ZFYVE9: variants seen among roughly 807,000 people sequenced by gnomAD.
ZFYVE9 encodes zinc finger FYVE domain-containing protein 9.
Under a neutral mutation model 126.7 loss-of-function variants are expected in ZFYVE9, and 43 were observed. That is an observed-to-expected ratio of 0.34 (90% CI 0.27 to 0.44). The LOEUF is 0.44. Ranked by LOEUF, ZFYVE9 falls within the 20% of genes least tolerant of loss-of-function variation. The pLI is 1.00. For missense variants in ZFYVE9, 1,476 were observed against 1,697.0 expected (o/e 0.87, Z 2.29); for synonymous variants, 521 against 597.4 (o/e 0.87, Z 1.87).
intron 13 of ZFYVE9, among the ~76,000 whole-genome samples, chr1:52,320,497 C>A (rs113264422): frequency 6.6e-6 from 1 of 152,226 alleles, no homozygotes; most frequent in Non-Finnish European, 1.5e-5. Flanking sequence ...ATAGCTTTTC[C>A]GTAAAGATGC....
At chr1:52,176,461 G>T (rs1644630179) in intron 1 of ZFYVE9, among the ~76,000 whole-genome samples, 1 of 152,150 alleles carries the variant, frequency 6.6e-6, no homozygotes, top group Non-Finnish European at 1.5e-5. Context: ...ACTTGAGGAG[G>T]CAGTCTGCCC....
At chr1:52,148,702 C>T (rs1032052551) in intron 1 of ZFYVE9, among the ~76,000 whole-genome samples, 7 of 149,084 alleles carry the variant, frequency 4.7e-5, no homozygotes, top group African/African-American at 1.5e-4. Flanking sequence ...AGTGCGGTGG[C>T]GCAGTCTTGG....
chr1:52,294,863 A>G (rs1372449036), intron 11 of ZFYVE9, among the ~76,000 whole-genome samples: 2 of 152,236 alleles, frequency 1.3e-5, no homozygotes, highest in East Asian at 3.8e-4. Context: ...GATGAGCCAG[A>G]CTGATTTGCC....
chr1:52,306,900 C>T (rs991106834), intron 13 of ZFYVE9, among the ~76,000 whole-genome samples: 1 of 152,194 alleles, frequency 6.6e-6, no homozygotes. Flanking sequence ...CTTGCTTTCT[C>T]ACACACCCCT....
At chr1:52,300,926 C>CT (rs901032769) in intron 12 of ZFYVE9, among the ~76,000 whole-genome samples, 9 of 150,392 alleles carry the variant, frequency 6.0e-5, no homozygotes, top group African/African-American at 2.2e-4. Context: ...GTGGCACAAT[C>CT]TCGGCTCACT....
chr1:52,226,258 T>A (rs1645169638), intron 2 of ZFYVE9, among the ~76,000 whole-genome samples: 1 of 152,176 alleles, frequency 6.6e-6, no homozygotes, highest in South Asian at 2.1e-4. Flanking sequence ...CCTGCTGGCA[T>A]TCACCCGTGC....
At chr1:52,154,865 T>C (rs1318000749) in intron 1 of ZFYVE9, among the ~76,000 whole-genome samples, 1 of 152,218 alleles carries the variant, frequency 6.6e-6, no homozygotes, top group Non-Finnish European at 1.5e-5. Context: ...TGCATTCACA[T>C]ACTGAGCTGA....
intron 4 of ZFYVE9, among the ~76,000 whole-genome samples, chr1:52,259,977 G>A (rs1292695216): frequency 1.3e-5 from 2 of 152,004 alleles, no homozygotes; most frequent in African/African-American, 4.8e-5. Flanking sequence ...GAACACTTGG[G>A]TTGTTTACAA....
intron 12 of ZFYVE9, among the ~76,000 whole-genome samples, chr1:52,302,055 G>A (rs957357706): frequency 6.6e-6 from 1 of 152,088 alleles, no homozygotes; most frequent in South Asian, 2.1e-4. Flanking sequence ...TTAACATTTT[G>A]TACATGTAGA....
chr1:52,231,206 A>G (rs1193802838), intron 2 of ZFYVE9, among the ~76,000 whole-genome samples: 2 of 152,186 alleles, frequency 1.3e-5, no homozygotes, highest in Non-Finnish European at 2.9e-5. Flanking sequence ...GACAACAAAG[A>G]TAGATATTTA....
At chr1:52,209,463 A>C (rs1230594525) in intron 1 of ZFYVE9, among the ~76,000 whole-genome samples, 1 of 152,070 alleles carries the variant, frequency 6.6e-6, no homozygotes, top group Non-Finnish European at 1.5e-5. Flanking sequence ...TCATCACCCC[A>C]AAAACTCCCT....
intron 4 of ZFYVE9, among the ~76,000 whole-genome samples, chr1:52,251,102 C>T (rs1407060756): frequency 2.6e-5 from 4 of 151,550 alleles, no homozygotes; most frequent in East Asian, 1.9e-4. Context: ...GATGGAGTCT[C>T]GCTCTGTCAC....
chr1:52,278,649 GT>G lies in ZFYVE9; in HGVS notation c.2869+39del, dbSNP rs1557496857. The G allele has an allele frequency of 8.1e-6, 11 of 1,365,804 alleles. No homozygotes were observed. In the South Asian group the frequency reaches 1.6e-4, roughly 20 times the overall value. The allele number at this position is 1,365,804 out of a possible 1,614,324, so 84.6% of individuals were successfully genotyped here. The stretch of plus-strand genomic sequence containing the variant: ...AAATTTTTAAAAATTAAAATCAGAT[GT>G]TTTACTGACTCATAGTACATAAAAC... On this transcript the variant is annotated intron_variant, in intron 9 of 18. Transcript: ENST00000287727.
At chr1:52,290,727 T>C (rs922081161) in intron 10 of ZFYVE9, among the ~76,000 whole-genome samples, 5 of 152,186 alleles carry the variant, frequency 3.3e-5, no homozygotes, top group Non-Finnish European at 5.9e-5. Flanking sequence ...TAAATCTTAC[T>C]CTAAAATCAT....
At chr1:52,272,554 T>C (rs1415885568) in intron 7 of ZFYVE9, among the ~76,000 whole-genome samples, 3 of 152,234 alleles carry the variant, frequency 2.0e-5, no homozygotes, top group South Asian at 2.1e-4. Context: ...AATTTATTTC[T>C]GAGTAGTATT....
intron 13 of ZFYVE9, among the ~76,000 whole-genome samples, chr1:52,327,354 A>C (rs548468704): frequency 6.6e-6 from 1 of 152,112 alleles, no homozygotes; most frequent in Non-Finnish European, 1.5e-5. Flanking sequence ...CTGTAATCCT[A>C]GCACTTTGGG....
At chr1:52,233,392 A>G in intron 3 of ZFYVE9, 116 bp downstream of exon 3, 1 of 540,262 alleles carries the variant, frequency 1.9e-6, no homozygotes, top group Non-Finnish European at 2.9e-6. Context: ...TGATAGTAAT[A>G]TTATTTAATA....
chr1:52,256,640 C>T (rs1013592151), intron 4 of ZFYVE9, among the ~76,000 whole-genome samples: 1 of 150,142 alleles, frequency 6.7e-6, no homozygotes. Flanking sequence ...TTAGAGATCT[C>T]TTTTAACCCT....
intron 1 of ZFYVE9, among the ~76,000 whole-genome samples, chr1:52,207,575 C>T (rs1043511518): frequency 5.3e-5 from 8 of 152,148 alleles, no homozygotes; most frequent in Non-Finnish European, 7.4e-5. Context: ...GAGCTTATTT[C>T]ATTTCTTTTT....
Sources: allele counts gnomAD v4.1 joint callset (sites outside exome capture counted in the v4.1 genomes callset), GRCh38; gene constraint gnomAD v4.1.1; transcripts MANE v1.5; gene names NCBI Gene and HGNC (gene_info 2026-07-23, HGNC 2026-07-21).